GRM7: variants seen among roughly 807,000 people sequenced by gnomAD.
GRM7 encodes metabotropic glutamate receptor 7.
A neutral mutation model predicts 84.5 loss-of-function variants in GRM7; 35 were observed. The ratio of observed to expected loss-of-function variants is 0.41; its 90% CI spans 0.32 to 0.55. The LOEUF (loss-of-function observed/expected upper bound fraction) is 0.55. Ranked by LOEUF, GRM7 falls within the 20% of genes least tolerant of loss-of-function variation. The pLI is 0.19. For missense variants in GRM7, 1,003 were observed against 1,194.6 expected, an observed-to-expected ratio of 0.84 and a Z score of 2.36; for synonymous variants, 487 against 455.1, an observed-to-expected ratio of 1.07 and a Z score of -0.89.
chr3:7,559,581 C>T (rs1693921472), intron 7 of GRM7, among the ~76,000 whole-genome samples: 1 of 152,048 alleles, frequency 6.6e-6, no homozygotes, highest in Non-Finnish European at 1.5e-5. Flanking sequence ...CAACATGTTT[C>T]TAATATATAT....
At chr3:7,695,610 A>C (rs1319921698) in intron 9 of GRM7, among the ~76,000 whole-genome samples, 2 of 152,176 alleles carry the variant, frequency 1.3e-5, no homozygotes, top group African/African-American at 4.8e-5. Flanking sequence ...GTTAAGACTT[A>C]AGATGCTGGA....
At chr3:7,105,692 C>G (rs904490) in intron 1 of GRM7, among the ~76,000 whole-genome samples, 71,747 of 151,212 alleles carry the variant, frequency 0.47, 18,288 homozygotes, top group African/African-American at 0.68. Flanking sequence ...TTCTTTCTTT[C>G]TTTTGAGTTC....
At chr3:7,639,984 C>G (rs912200018) in intron 8 of GRM7, among the ~76,000 whole-genome samples, 4 of 152,092 alleles carry the variant, frequency 2.6e-5, no homozygotes, top group Non-Finnish European at 5.9e-5. Context: ...TAATTATACT[C>G]AATTTATTTT....
intron 1 of GRM7, among the ~76,000 whole-genome samples, chr3:6,867,515 T>C (rs1694977977): frequency 6.6e-6 from 1 of 152,176 alleles, no homozygotes; most frequent in Admixed American, 6.5e-5. Flanking sequence ...GCAAATCTTT[T>C]GTTGATATCC....
intron 5 of GRM7, among the ~76,000 whole-genome samples, chr3:7,435,644 C>A (rs981377065): frequency 6.8e-6 from 1 of 148,052 alleles, no homozygotes; most frequent in African/African-American, 2.5e-5. Flanking sequence ...TACCGAGTAG[C>A]TAGGATTACA....
intron 1 of GRM7, among the ~76,000 whole-genome samples, chr3:6,935,004 T>G (rs1273812309): frequency 6.6e-6 from 1 of 152,220 alleles, no homozygotes; most frequent in African/African-American, 2.4e-5. Flanking sequence ...CATTTAAATT[T>G]GTTCCCTTTT....
intron 7 of GRM7, among the ~76,000 whole-genome samples, chr3:7,482,775 G>A (rs1218846298): frequency 6.6e-6 from 1 of 152,160 alleles, no homozygotes; most frequent in South Asian, 2.1e-4. Flanking sequence ...CTTTACTAGG[G>A]TGAGGTTAAG....
chr3:6,947,551 G>T (rs977841846), intron 1 of GRM7, among the ~76,000 whole-genome samples: 2 of 152,148 alleles, frequency 1.3e-5, no homozygotes, highest in Non-Finnish European at 2.9e-5. Flanking sequence ...TTTGGCATTA[G>T]GATGATGCTG....
At chr3:6,870,437 A>G (rs1695084787) in intron 1 of GRM7, among the ~76,000 whole-genome samples, 1 of 152,198 alleles carries the variant, frequency 6.6e-6, no homozygotes, top group African/African-American at 2.4e-5. Context: ...AGTAGAGTCA[A>G]TGAGGAGGAA....
At position 7,359,220 on chromosome 3, in the gene GRM7, TTGTGTGTGTG is replaced by T. The variant is rs34535570; in HGVS notation, c.1033+52594_1033+52603del. Among the ~76,000 whole-genome samples the T allele has an allele frequency of 2.3e-4, 31 of 133,238 alleles. 2 individuals carry two copies. The highest frequency in any genetic ancestry group is 1.4e-3 in the South Asian group (6 of 4,274). 87.4% of individuals were successfully genotyped at this position (133,238 alleles called of 152,430 possible). ...TTACCATTTGGTAGGGTGTTTGTGTTTGTGTGTGTGTGTGTGTGTGTGTGTGTGTGTGTGT... is the reference window on the plus strand; with the variant it reads ...TTACCATTTGGTAGGGTGTTTGTGTTTGTGTGTGTGTGTGTGTGTGTGTGT... On this transcript the variant is annotated intron_variant, in intron 4 of 9. Coordinates refer to ENST00000357716, the MANE Select transcript of GRM7 (RefSeq NM_000844.4).
chr3:7,203,742 T>C (rs962300556), intron 2 of GRM7, among the ~76,000 whole-genome samples: 2 of 152,218 alleles, frequency 1.3e-5, no homozygotes, highest in African/African-American at 4.8e-5. Flanking sequence ...GCCTAGACTT[T>C]AATAAGATTA....
chr3:7,002,429 T>A (rs1223888309), intron 1 of GRM7, among the ~76,000 whole-genome samples: 1 of 152,204 alleles, frequency 6.6e-6, no homozygotes, highest in Non-Finnish European at 1.5e-5. Context: ...TCAAAAATGC[T>A]TATTACTGAC....
At chr3:7,027,810 GC>G (rs1452744340) in intron 1 of GRM7, among the ~76,000 whole-genome samples, 1 of 151,894 alleles carries the variant, frequency 6.6e-6, no homozygotes, top group African/African-American at 2.4e-5. Context: ...TCTTGATCAT[GC>G]CAAGTTTTCC....
intron 9 of GRM7, among the ~76,000 whole-genome samples, chr3:7,717,333 T>C (rs1701799647): frequency 6.6e-6 from 1 of 152,138 alleles, no homozygotes; most frequent in Non-Finnish European, 1.5e-5. Context: ...CACAACCCTA[T>C]TGCTGACTGA....
At chr3:7,411,514 T>C (rs1454036633) in intron 4 of GRM7, among the ~76,000 whole-genome samples, 1 of 152,188 alleles carries the variant, frequency 6.6e-6, no homozygotes, top group African/African-American at 2.4e-5. Flanking sequence ...TTTACTGTAA[T>C]AATTTCAATG....
At chr3:7,481,331 T>G (rs1259930047) in intron 7 of GRM7, among the ~76,000 whole-genome samples, 1 of 152,118 alleles carries the variant, frequency 6.6e-6, no homozygotes, top group Non-Finnish European at 1.5e-5. Context: ...CTTGAACTCC[T>G]GGGCTCCCGC....
At chr3:7,520,369 A>G (rs1700549887) in intron 7 of GRM7, 1 of 152,220 alleles carries the variant, frequency 6.6e-6, no homozygotes, top group African/African-American at 2.4e-5. Context: ...TCAGCCAGGT[A>G]TGTATCCAGC....
At chr3:7,642,338 G>T (rs998314897) in intron 8 of GRM7, among the ~76,000 whole-genome samples, 89 of 152,196 alleles carry the variant, frequency 5.8e-4, no homozygotes, top group African/African-American at 2.0e-3. Context: ...CAAAAAAAAA[G>T]TGGTAGAGGG....
chr3:7,092,406 C>G (rs1007473832), intron 1 of GRM7, among the ~76,000 whole-genome samples: 1 of 152,146 alleles, frequency 6.6e-6, no homozygotes, highest in Non-Finnish European at 1.5e-5. Context: ...GTACTTGGTA[C>G]TTTAATGAGT....
Sources: allele counts gnomAD v4.1 joint callset (sites outside exome capture counted in the v4.1 genomes callset), GRCh38; gene constraint gnomAD v4.1.1; transcripts MANE v1.5; gene names NCBI Gene and HGNC (gene_info 2026-07-23, HGNC 2026-07-21).